FUZ: variants seen among roughly 807,000 people sequenced by gnomAD.
The protein encoded by FUZ is fuzzy planar cell polarity protein, also known as protein fuzzy homolog.
In FUZ, 31 loss-of-function variants were observed where a neutral mutation model predicts 43.1. That is an observed-to-expected ratio of 0.72 (90% confidence interval 0.54 to 0.97). FUZ has a LOEUF of 0.97. Ranked by LOEUF, FUZ falls within the 50% of genes least tolerant of loss-of-function variation. The pLI, the probability that FUZ is intolerant of heterozygous loss-of-function variation, is 0.00. For synonymous variants in FUZ, 274 were observed against 250.0 expected, an observed-to-expected ratio of 1.10 and a Z score of -0.91; for missense variants, 539 against 543.8, an observed-to-expected ratio of 0.99 and a Z score of 0.09.
Position 49,808,785 on chromosome 19 carries a change from C to T in FUZ, c.825G>A (p.Leu275=). 2 of 1,559,704 alleles carry T rather than the reference C, an allele frequency of 1.3e-6. No individual in the cohort carries two copies. Among genetic ancestry groups the T allele is most frequent in the African/African-American group, 1.4e-5 (1 of 73,668 alleles). Reference sequence around the variant, plus strand: ...GGGGTCCCAACGGCAGACAGGCCCGCAACGGGTCCAGCAGTGGCTGCCACC... The same window carrying T: ...GGGGTCCCAACGGCAGACAGGCCCGTAACGGGTCCAGCAGTGGCTGCCACC... ...ERWWQPLLDP[L]RACLPLGPRA... The change falls in exon 8 of 11, where the codon TTG becomes TTA. Residue 275 remains leucine, a synonymous_variant. Coordinates refer to ENST00000313777, the MANE Select transcript of FUZ (RefSeq NM_025129.5).
At chr19:49,807,453 T>G in intron 10 of FUZ, 79 bp from the exon 11 acceptor site, 1 of 1,409,712 alleles carries the variant, frequency 7.1e-7, no homozygotes, top group Non-Finnish European at 9.8e-7. Context: ...TGATCCCAAG[T>G]TCTGAACGCG....
intron 5 of FUZ, 126 bp downstream of exon 5, chr19:49,811,237 G>C (rs1328280957): frequency 1.4e-6 from 1 of 724,842 alleles, no homozygotes; most frequent in African/African-American, 1.7e-5. Context: ...TCTGGGACCA[G>C]GTGGGGATAG....
At position 49,812,347 on chromosome 19, in the gene FUZ, A is replaced by G; in HGVS notation, c.234-12T>C. ...CAATGAGGGTGATGCTGTGGAATGG[A>G]AGTGAGAAGAATGAGTCAAGGCCTG... On this transcript the variant is annotated splice_polypyrimidine_tract_variant and intron_variant, in intron 2 of 10. Coordinates refer to ENST00000313777, the MANE Select transcript of FUZ (RefSeq NM_025129.5). 6.2e-7 allele frequency: 1 copy of G among 1,611,278 alleles called. No homozygotes were observed. Among genetic ancestry groups the G allele is most frequent in the Non-Finnish European group, 8.5e-7 (1 of 1,177,440 alleles).
chr19:49,808,650 G>A lies in FUZ; in HGVS notation c.894-12C>T, dbSNP rs1368434270. 1.2e-6 allele frequency: 2 copies of A among 1,612,768 alleles called. No homozygotes were observed. The highest frequency in any genetic ancestry group is 1.7e-6 in the Non-Finnish European group (2 of 1,179,514). ...GGAGGAGCAGCAGCCTGTGGGAAAGGGAAGGGAATGTCATGGCTGGGGAAG... is the reference window on the plus strand; with the variant it reads ...GGAGGAGCAGCAGCCTGTGGGAAAGAGAAGGGAATGTCATGGCTGGGGAAG... On this transcript the variant is annotated splice_polypyrimidine_tract_variant and intron_variant, in intron 8 of 10. Coordinates refer to ENST00000313777, the MANE Select transcript of FUZ (RefSeq NM_025129.5).
intron 10 of FUZ, chr19:49,807,969 G>A (rs1478674976): frequency 1.4e-5 from 4 of 279,666 alleles, no homozygotes; most frequent in Non-Finnish European, 2.8e-5. Flanking sequence ...CAAAGCCTGT[G>A]CTTTTGGCAG....
In FUZ at chr19:49,809,679, C is replaced by T. The variant is rs531794353; in HGVS notation, c.493-104G>A. ...ATGGGGAGAAACCCACAGCCAGCCC[C>T]GAGCTCGCGCAGTGGCCATGCTCCT... is the stretch of plus-strand genomic sequence containing the variant. On this transcript the variant is annotated intron_variant, in intron 5 of 10. Coordinates refer to ENST00000313777, the MANE Select transcript of FUZ (RefSeq NM_025129.5). This position sits in a 1 kb window ranked among gnomAD's most constrained non-coding sequence, Gnocchi z 5.1. 2 of 1,218,828 alleles carry T rather than the reference C, an allele frequency of 1.6e-6. No homozygotes were observed. The highest frequency in any genetic ancestry group is 2.3e-6 in the Non-Finnish European group (2 of 861,404). 75.5% of individuals were successfully genotyped at this position (1,218,828 alleles called of 1,614,324 possible). A position where few individuals can be genotyped will look rare whatever the true frequency, so the allele number is the denominator to read the frequency against.
intron 10 of FUZ, 61 bp from the exon 11 acceptor site, chr19:49,807,435 C>T (rs1461810051): frequency 4.7e-6 from 7 of 1,493,388 alleles, no homozygotes; most frequent in Middle Eastern, 1.7e-4. Flanking sequence ...GCAAGCCACA[C>T]CACATCCTGA....
In FUZ at chr19:49,809,799, C is replaced by G. The variant is rs1022224027; in HGVS notation, c.493-224G>C. 1 of 601,862 alleles carries G rather than the reference C, an allele frequency of 1.7e-6. No individual in the cohort carries two copies. The highest frequency in any genetic ancestry group is 2.8e-5 in the Admixed American group (1 of 35,096). The allele number at this position is 601,862 out of a possible 1,614,324, so 37.3% of individuals were successfully genotyped here. ...AAGTCTGTGAAATCTGATTAAACAT[C>G]TAGCCTGGGCGGGCAAACTGAAGCT... On this transcript the variant is annotated intron_variant, in intron 5 of 10. Transcript: ENST00000313777. The surrounding 1 kb of genome is among the most constrained non-coding windows in gnomAD (Gnocchi z 5.1).
In FUZ at chr19:49,807,120, A is replaced by G. The variant is rs778785012; in HGVS notation, c.*31T>C. ...TAAACAGAGAGACGCTAACAGCCCC[A>G]TGTCTGTGTCCATCACCCACTGCTA... On this transcript the variant is annotated 3_prime_UTR_variant, in exon 11 of 11. Coordinates refer to ENST00000313777, the MANE Select transcript of FUZ (RefSeq NM_025129.5). 6.9e-7 allele frequency: 1 copy of G among 1,445,056 alleles called. No homozygotes were observed. Among genetic ancestry groups the G allele is most frequent in the Non-Finnish European group, 9.3e-7 (1 of 1,075,436 alleles). 89.5% of individuals were successfully genotyped at this position (1,445,056 alleles called of 1,614,324 possible).
rs2073488233 is a variant in FUZ at position 49,807,974 on chromosome 19, T to C, written c.1033+440A>G. Reference sequence around the variant, plus strand: ...AGCCTATCAGCAAAGCCTGTGCTTTTGGCAGTTGTGCAGAGCGCTGGACTG... The same window carrying C: ...AGCCTATCAGCAAAGCCTGTGCTTTCGGCAGTTGTGCAGAGCGCTGGACTG... On this transcript the variant is annotated intron_variant, in intron 10 of 10. Transcript: ENST00000313777. The C allele has an allele frequency of 1.1e-5, 3 of 281,418 alleles. No homozygotes were observed. The Admixed American group carries it at 1.5e-4, about 14-fold the overall frequency. The allele number at this position is 281,418 out of a possible 1,614,324, so 17.4% of individuals were successfully genotyped here.
chr19:49,809,777 T>G lies in FUZ; in HGVS notation c.493-202A>C, dbSNP rs1255701805. ...CACATCCCCAACTCACACTGTGAAG[T>G]CTGTGAAATCTGATTAAACATCTAG... On this transcript the variant is annotated intron_variant, in intron 5 of 10. Coordinates refer to ENST00000313777, the MANE Select transcript of FUZ (RefSeq NM_025129.5). This position sits in a 1 kb window ranked among gnomAD's most constrained non-coding sequence, Gnocchi z 5.1. The G allele has an allele frequency of 4.9e-6, 3 of 617,640 alleles. No individual in the cohort carries two copies. The highest frequency in any genetic ancestry group is 3.7e-5 in the African/African-American group (2 of 54,586). The allele number at this position is 617,640 out of a possible 1,614,324, so 38.3% of individuals were successfully genotyped here. A position where few individuals can be genotyped will look rare whatever the true frequency, so the allele number is the denominator to read the frequency against.
At chr19:49,808,977 G>C in intron 7 of FUZ, 154 bp from the exon 8 acceptor site, 1 of 861,814 alleles carries the variant, frequency 1.2e-6, no homozygotes, top group Admixed American at 2.0e-5. Flanking sequence ...TGGGGAAGGG[G>C]CGAGGCCTGG....
chr19:49,811,834 G>A lies in FUZ; in HGVS notation c.319-135C>T, dbSNP rs564181425. The A allele has an allele frequency of 4.4e-5, 36 of 815,738 alleles. No homozygotes were observed. In the East Asian group the frequency reaches 6.1e-4, roughly 14 times the overall value. 50.5% of individuals were successfully genotyped at this position (815,738 alleles called of 1,614,324 possible). ...CAAGATTCCTGGGTTCTGGCCGGGC[G>A]CGGAGGCTCATGCCTGTAATTCCAG... is the stretch of plus-strand genomic sequence containing the variant. On this transcript the variant is annotated intron_variant, in intron 3 of 10. Transcript: ENST00000313777.
Position 49,813,090 on chromosome 19 carries a change from GT to G in FUZ, c.16del (p.Thr6ArgfsTer55). 1 of 1,551,336 alleles carries G rather than the reference GT, an allele frequency of 6.4e-7. No individual in the cohort carries two copies. The highest frequency in any genetic ancestry group is 1.2e-5 in the South Asian group (1 of 84,064). MGEEGTGGTVHLLCLA... is the reference protein window; with the variant it reads MGEEGXGGTVHLLCLA... Reference sequence around the variant, plus strand: ...GCACAGCAGATGCACAGTGCCGCCCGTCCCCTCCTCCCCCATTTAGGACTCC... The same window carrying G: ...GCACAGCAGATGCACAGTGCCGCCCGCCCCTCCTCCCCCATTTAGGACTCC... On this transcript the variant is annotated frameshift_variant, in exon 1 of 11. Coordinates refer to ENST00000313777, the MANE Select transcript of FUZ (RefSeq NM_025129.5). LOFTEE classifies it high-confidence loss of function.
In FUZ at chr19:49,807,005, G is replaced by T. The variant is rs1426511507; in HGVS notation, c.*146C>A. 4 of 1,524,340 alleles carry T rather than the reference G, an allele frequency of 2.6e-6. No homozygotes were observed. The East Asian group carries it at 7.4e-5, about 28-fold the overall frequency. The allele number at this position is 1,524,340 out of a possible 1,614,324, so 94.4% of individuals were successfully genotyped here. A position where few individuals can be genotyped will look rare whatever the true frequency, so the allele number is the denominator to read the frequency against. ...AAGCACAGAGGGGAGAGGGGCCAGG[G>T]AAGTGGATGTCTCCTCCCCTCCCAC... On this transcript the variant is annotated 3_prime_UTR_variant, in exon 11 of 11. Transcript: ENST00000313777.
chr19:49,809,516 G>A lies in FUZ; in HGVS notation c.552C>T (p.Ser184=), dbSNP rs2073646128. Reference sequence around the variant, plus strand: ...CCTCTGTTGCTGCCACCACCCGGCCGGACACCACCAGACTGACGAAGGTCG... The same window carrying A: ...CCTCTGTTGCTGCCACCACCCGGCCAGACACCACCAGACTGACGAAGGTCG... ...AGTTFVSLVV[S]GRVVAATEGW... Residue 184 remains serine (S), a synonymous_variant, in exon 6 of 11, where the codon TCC becomes TCT. Coordinates refer to ENST00000313777, the MANE Select transcript of FUZ (RefSeq NM_025129.5). This position sits in a 1 kb window ranked among gnomAD's most constrained non-coding sequence, Gnocchi z 5.1. The A allele has an allele frequency of 1.3e-6, 2 of 1,599,258 alleles. No homozygotes were observed. The highest frequency in any genetic ancestry group is 2.7e-5 in the African/African-American group (2 of 74,910).
chr19:49,810,175 G>A (rs1010595367), intron 5 of FUZ, among the ~76,000 whole-genome samples: 11 of 152,260 alleles, frequency 7.2e-5, no homozygotes, highest in East Asian at 1.9e-4. Context: ...GGAGGCTGCC[G>A]GAGGGCTGTG....
Position 49,809,558 on chromosome 19 carries a change from G to C in FUZ, c.510C>G (p.Phe170Leu). The C allele has an allele frequency of 1.3e-6, 2 of 1,598,352 alleles. No individual in the cohort carries two copies. Among genetic ancestry groups the C allele is most frequent in the Non-Finnish European group, 1.7e-6 (2 of 1,176,720 alleles). ...GSLLQEALSG[F>L]AEAAGTTFVS... is the part of the protein sequence containing the mutation. ...CGAAGGTCGTGCCCGCGGCCTCAGC[G>C]AACCCGGAGAGGGCTTCCTGGGTAC... The change falls in exon 6 of 11, where the codon TTC (phenylalanine) becomes TTG (leucine). Residue 170 changes from phenylalanine to leucine, a missense_variant. By Grantham distance (22) the Phe-to-Leu change is conservative. Coordinates refer to ENST00000313777, the MANE Select transcript of FUZ (RefSeq NM_025129.5). This position sits in a 1 kb window ranked among gnomAD's most constrained non-coding sequence, Gnocchi z 5.1.
At chr19:49,812,963 C>T in intron 1 of FUZ, 33 bp downstream of exon 1, 1 of 1,523,800 alleles carries the variant, frequency 6.6e-7, no homozygotes, top group Non-Finnish European at 8.9e-7. Flanking sequence ...ACCGAACCCC[C>T]TTCGGTTTAG....
Sources: allele counts gnomAD v4.1 joint callset (sites outside exome capture counted in the v4.1 genomes callset), GRCh38; gene constraint gnomAD v4.1.1; non-coding constraint Gnocchi (gnomAD v3.1); transcripts MANE v1.5; gene names NCBI Gene and HGNC (gene_info 2026-07-23, HGNC 2026-07-21).